Variants in TNFRSF10D observed in about 807,000 individuals in gnomAD.
TNFRSF10D encodes the protein TNF receptor superfamily member 10d.
TNFRSF10D carries 28 observed loss-of-function variants against 42.1 expected under a neutral mutation model. The observed-to-expected ratio is 0.66, with a 90% CI of 0.49 to 0.91. The LOEUF (loss-of-function observed/expected upper bound fraction) is 0.91, where lower values mean the gene tolerates loss of function less well. Among genes scored for constraint, TNFRSF10D ranks in the 40% least tolerant of loss-of-function variants. The probability of loss-of-function intolerance (pLI) is 0.00; values close to 1 mark genes in which losing one functional copy is unlikely to be tolerated. For synonymous variants in TNFRSF10D, 186 were observed against 189.4 expected (o/e 0.98, Z 0.15); for missense variants, 503 against 486.1 (o/e 1.03, Z -0.33).
intron 4 of TNFRSF10D, 97 bp from the exon 5 acceptor site, chr8:23,146,018 A>G (rs1800115248): frequency 1.3e-6 from 2 of 1,537,904 alleles, no homozygotes; most frequent in South Asian, 2.3e-5. Context: ...GTCCCTGAGA[A>G]GGCGTCAGGA....
chr8:23,149,014 C>G (rs1239893015), intron 2 of TNFRSF10D, among the ~76,000 whole-genome samples: 2 of 151,268 alleles, frequency 1.3e-5, no homozygotes, highest in Non-Finnish European at 2.9e-5. Flanking sequence ...CACAGTGAAA[C>G]CCCATCTCTA....
intron 3 of TNFRSF10D, 63 bp downstream of exon 3, chr8:23,148,375 C>T: frequency 7.4e-7 from 1 of 1,342,498 alleles, no homozygotes; most frequent in Admixed American, 1.8e-5. Context: ...CTCACATCGG[C>T]TACAGCTCCC....
intron 1 of TNFRSF10D, among the ~76,000 whole-genome samples, chr8:23,156,109 T>G (rs2128839169): frequency 6.6e-6 from 1 of 152,318 alleles, no homozygotes; most frequent in South Asian, 2.1e-4. Context: ...AGTGGTAATG[T>G]GTTGATGTTA....
chr8:23,141,047 T>C (rs1219304182), intron 7 of TNFRSF10D, among the ~76,000 whole-genome samples: 1 of 152,076 alleles, frequency 6.6e-6, no homozygotes, highest in Non-Finnish European at 1.5e-5. Flanking sequence ...AGTTTAAAGG[T>C]AAGACCATGA....
intron 1 of TNFRSF10D, among the ~76,000 whole-genome samples, chr8:23,159,001 T>C (rs1299365589): frequency 3.3e-5 from 5 of 152,222 alleles, no homozygotes; most frequent in African/African-American, 2.4e-5. Flanking sequence ...CTTCTTCTGC[T>C]TTTTATCACA....
chr8:23,138,303 C>T (rs1814378154), intron 7 of TNFRSF10D, 43 bp from the exon 8 acceptor site: 1 of 1,610,794 alleles, frequency 6.2e-7, no homozygotes, highest in Non-Finnish European at 8.5e-7. Context: ...AGTCAGGAGT[C>T]CTGCAGTCTA....
chr8:23,147,523 T>A (rs1800137743), intron 3 of TNFRSF10D, among the ~76,000 whole-genome samples: 1 of 152,322 alleles, frequency 6.6e-6, no homozygotes, highest in Non-Finnish European at 1.5e-5. Context: ...GTGCCACTGC[T>A]GGAACCCAGC....
At position 23,144,443 on chromosome 8, in the gene TNFRSF10D, A is replaced by G. The variant is rs114179610; in HGVS notation, c.954+7T>C. The G allele has an allele frequency of 1.7e-3, 2,821 of 1,613,198 alleles. 52 individuals are homozygous for G. The African/African-American group carries it at 0.033, about 19-fold the overall frequency. On this transcript the variant is annotated splice_region_variant and intron_variant, in intron 7 of 8. Coordinates refer to ENST00000312584, the MANE Select transcript of TNFRSF10D (RefSeq NM_003840.5). ...GCCAGGCAGGGCACAGTCCCTCCTC[A>G]ACTCACCAGCAGACGCTGTGGCTCC...
Position 23,154,944 on chromosome 8 carries a change from G to C in TNFRSF10D, c.186C>G (p.Asp62Glu), listed in dbSNP as rs192105467. Residue 62 changes from aspartate to glutamate, a missense_variant, in exon 2 of 9, where the codon GAC (aspartate) becomes GAG (glutamate). Physicochemically the swap from Asp to Glu is conservative, Grantham distance 45. Coordinates refer to ENST00000312584, the MANE Select transcript of TNFRSF10D (RefSeq NM_003840.5). ...GGGCCACTGTCTGCTGGGGAACTTC[G>C]TCCTGCCGGGGGATGGTGGCAGAGT... is the stretch of plus-strand genomic sequence containing the variant. ...RVDSATIPRQ[D>E]EVPQQTVAPQ... 3.1e-6 allele frequency: 5 copies of C among 1,613,272 alleles called. No individual in the cohort carries two copies. In the Admixed American group the frequency reaches 8.3e-5, roughly 27 times the overall value.
At chr8:23,162,048 GTGA>G (rs1800374454) in intron 1 of TNFRSF10D, among the ~76,000 whole-genome samples, 2 of 145,314 alleles carry the variant, frequency 1.4e-5, no homozygotes, top group African/African-American at 5.0e-5. Context: ...GATGGCAACA[GTGA>G]ATTAACCTGT....
intron 7 of TNFRSF10D, among the ~76,000 whole-genome samples, chr8:23,144,217 A>G (rs1396273741): frequency 6.6e-6 from 1 of 152,202 alleles, no homozygotes; most frequent in South Asian, 2.1e-4. Flanking sequence ...ATGCCTGTGG[A>G]GATCCAGGCT....
intron 2 of TNFRSF10D, among the ~76,000 whole-genome samples, chr8:23,148,825 A>ACTAT (rs10669334): frequency 0.38 from 57,708 of 151,734 alleles, 12,240 homozygotes; most frequent in African/African-American, 0.56. Flanking sequence ...ATTAATTTTA[A>ACTAT]CTATTTTTTA....
intron 4 of TNFRSF10D, among the ~76,000 whole-genome samples, chr8:23,146,569 T>G (rs1252952736): frequency 1.3e-5 from 2 of 152,128 alleles, no homozygotes; most frequent in African/African-American, 4.8e-5. Flanking sequence ...ATATTAAAAA[T>G]TACATTTTTT....
chr8:23,148,631 T>C, intron 2 of TNFRSF10D, 80 bp from the exon 3 acceptor site: 1 of 993,170 alleles, frequency 1.0e-6, no homozygotes, highest in Non-Finnish European at 1.6e-6. Flanking sequence ...ATTTCTCTTT[T>C]GGCCCTCAGT....
At chr8:23,141,332 C>A (rs945823785) in intron 7 of TNFRSF10D, among the ~76,000 whole-genome samples, 1 of 151,944 alleles carries the variant, frequency 6.6e-6, no homozygotes, top group Non-Finnish European at 1.5e-5. Context: ...AGACAAAACC[C>A]CATCTCTACT....
chr8:23,140,083 A>G (rs754009328), intron 7 of TNFRSF10D, among the ~76,000 whole-genome samples: 2 of 152,128 alleles, frequency 1.3e-5, no homozygotes, highest in African/African-American at 4.8e-5. Context: ...AGGTCAGGAG[A>G]TCGAGACCAT....
At chr8:23,150,080 G>A (rs1379203627) in intron 2 of TNFRSF10D, among the ~76,000 whole-genome samples, 1 of 152,176 alleles carries the variant, frequency 6.6e-6, no homozygotes, top group Non-Finnish European at 1.5e-5. Context: ...GATAAGCTAA[G>A]ATATCAGTCT....
chr8:23,149,203 AAAAAG>A (rs958275970), intron 2 of TNFRSF10D, among the ~76,000 whole-genome samples: 2,274 of 147,746 alleles, frequency 0.015, 47 homozygotes, highest in African/African-American at 0.046. Context: ...AAAAAAAAAA[AAAAAG>A]AAAAGAAAAG....
chr8:23,137,918 CT>C lies in TNFRSF10D; in HGVS notation c.1112del (p.Lys371SerfsTer46). The C allele has an allele frequency of 6.2e-7, 1 of 1,614,228 alleles. No homozygotes were observed. The highest frequency in any genetic ancestry group is 8.5e-7 in the Non-Finnish European group (1 of 1,180,052). On this transcript the variant is annotated frameshift_variant, in exon 9 of 9. Coordinates refer to ENST00000312584, the MANE Select transcript of TNFRSF10D (RefSeq NM_003840.5). LOFTEE classifies it low-confidence loss of function (END_TRUNC). The stretch of plus-strand genomic sequence containing the variant: ...CTGCCTCATCTTCTTCATAAAAGAG[CT>C]TTTCGGAGCCCACCAGTTGGTCCTG... ...TIQDQLVGSEKLFYEEDEAGS... is the reference protein window; with the variant it reads ...TIQDQLVGSEXLFYEEDEAGS...
Sources: gnomAD v4.1 joint callset for allele counts (sites outside exome capture counted in the v4.1 genomes callset) on GRCh38, gnomAD v4.1.1 for gene constraint, MANE v1.5 for transcripts, NCBI Gene and HGNC (gene_info 2026-07-23, HGNC 2026-07-21) for gene names.